Variants in ABCB9 observed in about 807,000 individuals in gnomAD.
The protein encoded by ABCB9 is ATP binding cassette subfamily B member 9.
Under a neutral mutation model 62.0 loss-of-function variants are expected in ABCB9, and 36 were observed. That is an observed-to-expected ratio of 0.58 (90% CI 0.45 to 0.77). ABCB9 has a LOEUF of 0.77. ABCB9 is among the 30% of genes least tolerant of loss of function. The pLI, the probability that ABCB9 is intolerant of heterozygous loss-of-function variation, is 0.00. For missense variants in ABCB9, 943 were observed against 1,054.7 expected, an observed-to-expected ratio of 0.89 and a Z score of 1.47; for synonymous variants, 435 against 461.4, an observed-to-expected ratio of 0.94 and a Z score of 0.73.
intron 1 of ABCB9, among the ~76,000 whole-genome samples, chr12:122,965,191 G>T (rs1005411733): frequency 6.6e-6 from 1 of 152,134 alleles, no homozygotes; most frequent in Non-Finnish European, 1.5e-5. Flanking sequence ...GAAAAAGGAC[G>T]AAGGCAGGAT....
downstream of ABCB9, chr12:122,924,958 C>A: frequency 1.2e-6 from 1 of 851,330 alleles, no homozygotes; most frequent in Non-Finnish European, 1.9e-6. Flanking sequence ...ACTCTGTCAC[C>A]CAGGCTGGAG....
At chr12:122,971,935 T>TAA (rs1249785693) in intron 1 of ABCB9, among the ~76,000 whole-genome samples, 1 of 151,244 alleles carries the variant, frequency 6.6e-6, no homozygotes, top group African/African-American at 2.4e-5. Flanking sequence ...AAACTGATCT[T>TAA]AAAAAAAAGG....
intron 1 of ABCB9, 129 bp from the exon 2 acceptor site, chr12:122,960,451 T>A (rs1370735105): frequency 1.6e-6 from 1 of 635,184 alleles, no homozygotes; most frequent in East Asian, 2.8e-5. Context: ...CAATATCAAC[T>A]TCCCGGGTAC....
rs551542207 is a variant in ABCB9 at position 122,973,751 on chromosome 12, C to T, written c.-88+964G>A. 4.6e-5 allele frequency among the ~76,000 whole-genome samples: 7 copies of T among 152,148 alleles called. No homozygotes were observed. In the East Asian group the frequency reaches 9.7e-4, roughly 21 times the overall value. On this transcript the variant is annotated intron_variant, in intron 1 of 11. Transcript: ENST00000392439. The stretch of plus-strand genomic sequence containing the variant: ...TGGCGGGCGCCTGTAGTCCCAGCTA[C>T]TCGGGAGGCTGAGCCAGGAGAATGG...
intron 7 of ABCB9, 36 bp from the exon 8 acceptor site, chr12:122,941,031 T>C (rs1250057072): frequency 1.3e-6 from 2 of 1,532,608 alleles, no homozygotes; most frequent in Non-Finnish European, 1.8e-6. Flanking sequence ...GTCCCACCGA[T>C]ACCCGACTCC....
intron 3 of ABCB9, 25 bp from the exon 4 acceptor site, chr12:122,949,943 A>G: frequency 1.2e-6 from 2 of 1,613,700 alleles, no homozygotes; most frequent in Non-Finnish European, 1.7e-6. Context: ...GAGATATTAT[A>G]GCACGATGTC....
At chr12:122,950,819 A>C (rs1362068783) in intron 2 of ABCB9, 4 of 436,016 alleles carry the variant, frequency 9.2e-6, no homozygotes, top group Non-Finnish European at 1.7e-5. Context: ...GCTACCAGGC[A>C]TCGAGCCAGG....
At chr12:122,945,932 C>A in intron 6 of ABCB9, 93 bp downstream of exon 6, 2 of 1,247,634 alleles carry the variant, frequency 1.6e-6, no homozygotes, top group South Asian at 1.3e-5. Flanking sequence ...AGCTTGACAC[C>A]AACATGCAGG....
rs2035099414 is a variant in ABCB9 at position 122,930,508 on chromosome 12, A to G, written c.2041-337T>C. On this transcript the variant is annotated intron_variant, in intron 11 of 11. Transcript: ENST00000280560. This position sits in a 1 kb window ranked among gnomAD's most constrained non-coding sequence, Gnocchi z 4.9. ...CTGCAACCTCTGCCTCGTGGGTTCA[A>G]TCGAGTCTCACGCCTCAGCTTCCCA... 6.7e-6 allele frequency among the ~76,000 whole-genome samples: 1 copy of G among 149,970 alleles called. No individual in the cohort carries two copies. Among genetic ancestry groups the G allele is most frequent in the Admixed American group, 6.7e-5 (1 of 14,974 alleles).
chr12:122,957,891 C>T (rs1383907039), intron 2 of ABCB9, among the ~76,000 whole-genome samples: 5 of 150,750 alleles, frequency 3.3e-5, no homozygotes, highest in South Asian at 4.2e-4. Flanking sequence ...ACGTGCAGGT[C>T]GGGCGCAGTG....
rs376511047 is a variant in ABCB9, at chr12:122,940,110, C to A, written c.1743+1G>T. On this transcript the variant is annotated splice_donor_variant, in intron 9 of 11. Transcript: ENST00000280560. LOFTEE classifies it high-confidence loss of function. The surrounding 1 kb of genome is among the most constrained non-coding windows in gnomAD (Gnocchi z 4.8). ...AGTGTGGCCCAGGCCCGTGCACATA[C>A]CACACGGTGCAAGTACTTGTGGTCG... is the stretch of plus-strand genomic sequence containing the variant. The A allele has an allele frequency of 6.2e-7, 1 of 1,609,548 alleles. No individual in the cohort carries two copies. The highest frequency in any genetic ancestry group is 1.3e-5 in the African/African-American group (1 of 74,888).
chr12:122,928,781 G>A (rs1258282518), downstream of ABCB9, among the ~76,000 whole-genome samples: 1 of 152,080 alleles, frequency 6.6e-6, no homozygotes, highest in Non-Finnish European at 1.5e-5. Context: ...ATCCCCCTGC[G>A]CAATCCCCGT....
intron 2 of ABCB9, among the ~76,000 whole-genome samples, chr12:122,954,497 AT>A (rs933984139): frequency 6.7e-6 from 1 of 150,040 alleles, no homozygotes; most frequent in Non-Finnish European, 1.5e-5. Context: ...TGCCCGGCCT[AT>A]TTTTTATTTT....
chr12:122,931,450 G>A (rs145424409), intron 11 of ABCB9: 7,922 of 142,862 alleles, frequency 0.055, 686 homozygotes, highest in African/African-American at 0.19. Context: ...TCAGCCTCCC[G>A]AGTAGCTGGG....
At chr12:122,974,439 T>C (rs1007774316) in intron 1 of ABCB9, 4 of 152,378 alleles carry the variant, frequency 2.6e-5, no homozygotes, top group African/African-American at 9.6e-5. Flanking sequence ...CCTTACTGGA[T>C]GTGTGACCTG....
chr12:122,951,896 G>A (rs868734377), intron 2 of ABCB9: 3 of 152,140 alleles, frequency 2.0e-5, no homozygotes, highest in Non-Finnish European at 2.9e-5. Context: ...TTCCTCCTGT[G>A]GTCTGAATGC....
At chr12:122,965,790 CA>C (rs1236580060) in intron 1 of ABCB9, among the ~76,000 whole-genome samples, 1 of 152,132 alleles carries the variant, frequency 6.6e-6, no homozygotes. Flanking sequence ...CTACAGGCCT[CA>C]CTGCCAGCGT....
intron 6 of ABCB9, among the ~76,000 whole-genome samples, chr12:122,945,732 G>C (rs1475889487): frequency 1.3e-5 from 2 of 152,020 alleles, no homozygotes; most frequent in Non-Finnish European, 2.9e-5. Flanking sequence ...ACAAAAATTA[G>C]CCAGGCATGG....
intron 1 of ABCB9, chr12:122,974,571 G>C (rs1464816762): frequency 1.3e-5 from 2 of 152,284 alleles, no homozygotes; most frequent in Admixed American, 6.5e-5. Flanking sequence ...GGAGAGAAGA[G>C]GCTCGGTCTG....
Sources: gnomAD v4.1 joint callset for allele counts (sites outside exome capture counted in the v4.1 genomes callset) on GRCh38, gnomAD v4.1.1 for gene constraint, Gnocchi (gnomAD v3.1) non-coding constraint, MANE v1.5 for transcripts, NCBI Gene and HGNC (gene_info 2026-07-23, HGNC 2026-07-21) for gene names.